Variants in ERGIC1 observed in about 807,000 individuals in gnomAD.
ERGIC1 encodes the protein endoplasmic reticulum-golgi intermediate compartment 1.
Under a neutral mutation model 38.3 loss-of-function variants are expected in ERGIC1, and 19 were observed. The ratio of observed to expected loss-of-function variants is 0.50; its 90% CI spans 0.35 to 0.73. The LOEUF (loss-of-function observed/expected upper bound fraction) is 0.73, where lower values mean the gene tolerates loss of function less well. Ranked by LOEUF, ERGIC1 falls within the 30% of genes least tolerant of loss-of-function variation. The pLI, the probability that ERGIC1 is intolerant of heterozygous loss-of-function variation, is 0.01. For missense variants in ERGIC1, 294 were observed against 389.2 expected, an observed-to-expected ratio of 0.76 and a Z score of 2.06; for synonymous variants, 124 against 157.6, an observed-to-expected ratio of 0.79 and a Z score of 1.60.
intron 1 of ERGIC1, among the ~76,000 whole-genome samples, chr5:172,875,112 A>G (rs962153999): frequency 2.0e-5 from 3 of 152,186 alleles, no homozygotes; most frequent in Admixed American, 6.5e-5. Flanking sequence ...AGGGCTTTCC[A>G]TACCTCCTCT....
intron 1 of ERGIC1, among the ~76,000 whole-genome samples, chr5:172,852,044 C>T (rs2113039649): frequency 6.6e-6 from 1 of 151,590 alleles, no homozygotes; most frequent in East Asian, 2.0e-4. Context: ...TGACGGTGAT[C>T]AGGCCTCTAC....
chr5:172,861,683 G>A (rs546548973), intron 1 of ERGIC1, among the ~76,000 whole-genome samples: 10 of 152,198 alleles, frequency 6.6e-5, no homozygotes, highest in African/African-American at 1.9e-4. Flanking sequence ...TAAATAATGC[G>A]TGTGTCAGCC....
At chr5:172,888,842 AG>A in intron 2 of ERGIC1, 82 bp downstream of exon 2, 2 of 1,300,666 alleles carry the variant, frequency 1.5e-6, no homozygotes, top group Admixed American at 3.4e-5. Context: ...CATCTGGGCC[AG>A]GGAGGAAAGA....
intron 9 of ERGIC1, among the ~76,000 whole-genome samples, chr5:172,939,772 G>A (rs570837495): frequency 1.5e-4 from 23 of 152,348 alleles, no homozygotes; most frequent in African/African-American, 4.8e-5. Flanking sequence ...GGAGCCAGCC[G>A]GCCGGCTGTC....
At chr5:172,889,469 A>G (rs1336308104) in intron 2 of ERGIC1, among the ~76,000 whole-genome samples, 2 of 152,118 alleles carry the variant, frequency 1.3e-5, no homozygotes, top group African/African-American at 4.8e-5. Flanking sequence ...AATAAAAGGA[A>G]CCATGGCTCC....
rs181248095 is a variant in ERGIC1, at chr5:172,872,160, G to A, written c.21-16539G>A. 4.7e-4 allele frequency among the ~76,000 whole-genome samples: 71 copies of A among 150,862 alleles called. No homozygotes were observed. In the East Asian group the frequency reaches 0.013, roughly 27 times the overall value. On this transcript the variant is annotated intron_variant, in intron 1 of 9. Transcript: ENST00000393784. ...CGAGATAGAGTAACCTCGGGCCTCA[G>A]GGGGCCATGAAGCTTTGCAGGAACC...
chr5:172,905,641 C>G (rs1055670958), intron 3 of ERGIC1, among the ~76,000 whole-genome samples: 1 of 152,246 alleles, frequency 6.6e-6, no homozygotes, highest in Non-Finnish European at 1.5e-5. Flanking sequence ...GCTGAATAAG[C>G]ACAGCGGACA....
At chr5:172,882,192 G>A (rs1482009356) in intron 1 of ERGIC1, among the ~76,000 whole-genome samples, 1 of 152,208 alleles carries the variant, frequency 6.6e-6, no homozygotes, top group African/African-American at 2.4e-5. Context: ...ACAGTACGTA[G>A]TGTTGAGGTG....
rs1763658729 is a variant in ERGIC1 at position 172,926,671 on chromosome 5, T to C, written c.541+102T>C. On this transcript the variant is annotated intron_variant, in intron 7 of 9. Transcript: ENST00000393784. The surrounding 1 kb of genome is among the most constrained non-coding windows in gnomAD (Gnocchi z 5.2). ...GTGGGGGTGCCTGTCCAGCACCCAC[T>C]CCAAGGCAGGGAGGCTGCTGCTCAC... is the stretch of plus-strand genomic sequence containing the variant. 1 of 1,311,172 alleles carries C rather than the reference T, an allele frequency of 7.6e-7. No individual in the cohort carries two copies. 81.2% of individuals were successfully genotyped at this position (1,311,172 alleles called of 1,614,324 possible).
chr5:172,887,561 C>T (rs555888415), intron 1 of ERGIC1, among the ~76,000 whole-genome samples: 52 of 152,278 alleles, frequency 3.4e-4, no homozygotes, highest in African/African-American at 1.2e-3. Flanking sequence ...GAGGACCAGC[C>T]GAGATTTGAA....
At chr5:172,945,740 A>C (rs1445453479) in intron 9 of ERGIC1, among the ~76,000 whole-genome samples, 1 of 152,138 alleles carries the variant, frequency 6.6e-6, no homozygotes, top group African/African-American at 2.4e-5. Context: ...CCTGGAGTGC[A>C]GTGGCTGAAT....
At chr5:172,892,962 T>G (rs1762605681) in intron 2 of ERGIC1, among the ~76,000 whole-genome samples, 1 of 152,112 alleles carries the variant, frequency 6.6e-6, no homozygotes, top group South Asian at 2.1e-4. Context: ...CTGACCAGGC[T>G]TAGTCCGAGC....
chr5:172,834,508 C>T lies in ERGIC1; in HGVS notation c.20+75C>T, dbSNP rs1760980319. On this transcript the variant is annotated intron_variant, in intron 1 of 9. Transcript: ENST00000393784. The surrounding 1 kb of genome is among the most constrained non-coding windows in gnomAD (Gnocchi z 4.1). ...GAGCGCCCCGGCACGCCGCGGACCCCTCCCGCCCTGCATGCAAAAGCGGCT... is the reference window on the plus strand; with the variant it reads ...GAGCGCCCCGGCACGCCGCGGACCCTTCCCGCCCTGCATGCAAAAGCGGCT... The T allele has an allele frequency of 9.6e-6, 12 of 1,243,764 alleles. No individual in the cohort carries two copies. Among genetic ancestry groups the T allele is most frequent in the Non-Finnish European group, 1.2e-5 (12 of 989,184 alleles). 77.0% of individuals were successfully genotyped at this position (1,243,764 alleles called of 1,614,324 possible).
rs532408544 is a variant in ERGIC1, at chr5:172,902,441, A to G, written c.155+5367A>G. On this transcript the variant is annotated intron_variant, in intron 3 of 9. Coordinates refer to ENST00000393784, the MANE Select transcript of ERGIC1 (RefSeq NM_001031711.3). ...GAAGGACATTGCTCTTAGCAATAGG[A>G]GGCCTGAGGGCGTCTGAGTGTGGAG... Among the ~76,000 whole-genome samples, 4 of 152,316 alleles carry G rather than the reference A, an allele frequency of 2.6e-5. No homozygotes were observed. In the South Asian group the frequency reaches 8.3e-4, roughly 32 times the overall value.
chr5:172,851,062 A>G (rs792962), intron 1 of ERGIC1, among the ~76,000 whole-genome samples: 146,872 of 151,714 alleles, frequency 0.97, 71,254 homozygotes, highest in Non-Finnish European at 1. Context: ...TTAGCCGGGC[A>G]TGATGGCATG....
intron 1 of ERGIC1, among the ~76,000 whole-genome samples, chr5:172,848,160 A>G (rs140631256): frequency 6.6e-6 from 1 of 152,200 alleles, no homozygotes; most frequent in African/African-American, 2.4e-5. Flanking sequence ...TCATTTAACC[A>G]CCAGGGAAGT....
intron 5 of ERGIC1, chr5:172,921,610 C>T (rs2113444393): frequency 6.6e-6 from 1 of 152,358 alleles, no homozygotes; most frequent in African/African-American, 2.4e-5. Context: ...CAGTCTTCTT[C>T]ATTGGGCTGG....
At chr5:172,900,006 C>T (rs1278295408) in intron 3 of ERGIC1, among the ~76,000 whole-genome samples, 5 of 152,232 alleles carry the variant, frequency 3.3e-5, no homozygotes, top group Non-Finnish European at 7.3e-5. Flanking sequence ...CATATAAGTA[C>T]TCAGGGAATG....
intron 9 of ERGIC1, among the ~76,000 whole-genome samples, chr5:172,941,016 C>T (rs1167780415): frequency 5.3e-5 from 8 of 152,238 alleles, no homozygotes; most frequent in Non-Finnish European, 7.3e-5. Context: ...CGGTGGCTTA[C>T]ACCTGTAATT....
Sources: gnomAD v4.1 joint callset for allele counts (sites outside exome capture counted in the v4.1 genomes callset) on GRCh38, gnomAD v4.1.1 for gene constraint, Gnocchi (gnomAD v3.1) non-coding constraint, MANE v1.5 for transcripts, NCBI Gene and HGNC (gene_info 2026-07-23, HGNC 2026-07-21) for gene names.